PLXNA2: variants seen among roughly 807,000 people sequenced by gnomAD.
PLXNA2 encodes plexin-A2.
A neutral mutation model predicts 193.5 loss-of-function variants in PLXNA2; 91 were observed. That is an observed-to-expected ratio of 0.47 (90% CI 0.40 to 0.56). PLXNA2 has a LOEUF of 0.56. Ranked by LOEUF, PLXNA2 falls within the 20% of genes least tolerant of loss-of-function variation. The pLI is 0.00. For missense variants in PLXNA2, 1,995 were observed against 2,503.2 expected (o/e 0.80, Z 4.33); for synonymous variants, 997 against 1,027.3 (o/e 0.97, Z 0.56).
chr1:208,052,534 A>G, intron 14 of PLXNA2, 71 bp from the exon 15 acceptor site: 1 of 1,462,638 alleles, frequency 6.8e-7, no homozygotes. Context: ...GTTAGATCTA[A>G]GGATGGGAGA....
intron 4 of PLXNA2, among the ~76,000 whole-genome samples, chr1:208,115,705 T>C (rs1436173187): frequency 6.6e-6 from 1 of 152,148 alleles, no homozygotes; most frequent in Non-Finnish European, 1.5e-5. Flanking sequence ...ACAACCTTGA[T>C]CCCAAAGTAC....
chr1:208,048,550 C>T (rs1197490357), intron 17 of PLXNA2, among the ~76,000 whole-genome samples: 1 of 152,224 alleles, frequency 6.6e-6, no homozygotes, highest in East Asian at 1.9e-4. Flanking sequence ...GTCCTTGGAA[C>T]ATTGAGATCA....
At chr1:208,213,691 T>C (rs1671034767) in intron 2 of PLXNA2, among the ~76,000 whole-genome samples, 1 of 152,218 alleles carries the variant, frequency 6.6e-6, no homozygotes, top group Non-Finnish European at 1.5e-5. Context: ...CTTTCATTTA[T>C]CCTTATTCCC....
chr1:208,166,124 A>T (rs1669297898), intron 3 of PLXNA2, among the ~76,000 whole-genome samples: 1 of 152,210 alleles, frequency 6.6e-6, no homozygotes, highest in Non-Finnish European at 1.5e-5. Context: ...TTCTCACATT[A>T]AACACAACAC....
In PLXNA2 at chr1:208,103,059, C is replaced by CTCTT. The variant is rs386369479; in HGVS notation, c.1607+87_1607+88insAAGA. On this transcript the variant is annotated intron_variant, in intron 5 of 31. Coordinates refer to ENST00000367033, the MANE Select transcript of PLXNA2 (RefSeq NM_025179.4). ...CTGCTCTGAAGAGGACAATTCCTCT[C>CTCTT]TCTGCAAAGTACTGTCATATCCCAT... 4 of 923,438 alleles carry CTCTT rather than the reference C, an allele frequency of 4.3e-6. No homozygotes were observed. In the African/African-American group the frequency reaches 6.5e-5, roughly 15 times the overall value. The allele number at this position is 923,438 out of a possible 1,614,324, so 57.2% of individuals were successfully genotyped here.
chr1:208,185,753 T>C (rs958729842), intron 3 of PLXNA2, among the ~76,000 whole-genome samples: 12 of 149,670 alleles, frequency 8.0e-5, no homozygotes, highest in Non-Finnish European at 1.6e-4. Flanking sequence ...TTTTGAGCTA[T>C]TGTCTTAAGA....
intron 3 of PLXNA2, among the ~76,000 whole-genome samples, chr1:208,208,121 A>G (rs1670797736): frequency 6.6e-6 from 1 of 152,240 alleles, no homozygotes; most frequent in Admixed American, 6.5e-5. Flanking sequence ...GGGGAAAGTC[A>G]ACTCAAGGTC....
At chr1:208,218,947 G>A (rs1671233465) in intron 1 of PLXNA2, among the ~76,000 whole-genome samples, 1 of 152,346 alleles carries the variant, frequency 6.6e-6, no homozygotes, top group African/African-American at 2.4e-5. Context: ...TCAGCCACCT[G>A]GGGCAGGGGT....
At chr1:208,221,710 C>T (rs1240670285) in intron 1 of PLXNA2, among the ~76,000 whole-genome samples, 1 of 152,150 alleles carries the variant, frequency 6.6e-6, no homozygotes, top group Non-Finnish European at 1.5e-5. Context: ...GACTAAGTGG[C>T]TGTTCCAAGC....
chr1:208,159,193 C>T (rs1224043728), intron 3 of PLXNA2, among the ~76,000 whole-genome samples: 1 of 152,220 alleles, frequency 6.6e-6, no homozygotes, highest in Admixed American at 6.5e-5. Context: ...CAGAGCTGGG[C>T]ATTGATTCTC....
intron 4 of PLXNA2, among the ~76,000 whole-genome samples, chr1:208,127,413 C>G (rs918934506): frequency 6.6e-5 from 10 of 152,236 alleles, no homozygotes; most frequent in Non-Finnish European, 1.2e-4. Context: ...CCTGGCCTTC[C>G]AGGGACCAAT....
At chr1:208,203,253 C>A (rs1266063222) in intron 3 of PLXNA2, among the ~76,000 whole-genome samples, 2 of 152,170 alleles carry the variant, frequency 1.3e-5, no homozygotes, top group Non-Finnish European at 1.5e-5. Flanking sequence ...GGGCAGGGAG[C>A]CAAACTCATT....
chr1:208,107,848 C>A (rs931914272), intron 4 of PLXNA2, among the ~76,000 whole-genome samples: 1 of 152,070 alleles, frequency 6.6e-6, no homozygotes, highest in Non-Finnish European at 1.5e-5. Flanking sequence ...CCTTCTCCTG[C>A]CCCCTATGGC....
intron 3 of PLXNA2, among the ~76,000 whole-genome samples, chr1:208,183,650 C>T (rs1368889490): frequency 6.6e-6 from 1 of 152,008 alleles, no homozygotes; most frequent in Non-Finnish European, 1.5e-5. Context: ...GGGCCCCACT[C>T]CTGCTTATCT....
At chr1:208,042,477 G>T in intron 21 of PLXNA2, 111 bp from the exon 22 acceptor site, 1 of 1,186,396 alleles carries the variant, frequency 8.4e-7, no homozygotes, top group Non-Finnish European at 1.2e-6. Context: ...AGGACCCTAT[G>T]TTTGAGGCCT....
At chr1:208,034,251 AC>A (rs1664600190) in intron 27 of PLXNA2, among the ~76,000 whole-genome samples, 1 of 151,456 alleles carries the variant, frequency 6.6e-6, no homozygotes, top group South Asian at 2.1e-4. Flanking sequence ...GGCCACTCCG[AC>A]TCCTCTACCA....
chr1:208,182,739 G>A (rs947231510), intron 3 of PLXNA2, among the ~76,000 whole-genome samples: 5 of 152,032 alleles, frequency 3.3e-5, no homozygotes, highest in African/African-American at 9.7e-5. Flanking sequence ...CAGCCTTTCA[G>A]CTGGGCAGAG....
intron 4 of PLXNA2, among the ~76,000 whole-genome samples, chr1:208,116,202 C>T (rs990706587): frequency 6.6e-6 from 1 of 152,160 alleles, no homozygotes; most frequent in African/African-American, 2.4e-5. Context: ...CCTTGATCAA[C>T]CTTTGTTACT....
intron 3 of PLXNA2, among the ~76,000 whole-genome samples, chr1:208,148,860 G>A (rs988246974): frequency 2.0e-5 from 3 of 152,220 alleles, no homozygotes; most frequent in Admixed American, 6.5e-5. Flanking sequence ...CAAAATGCAG[G>A]AGTGGAAATG....
Sources: gnomAD v4.1 joint callset for allele counts (sites outside exome capture counted in the v4.1 genomes callset) on GRCh38, gnomAD v4.1.1 for gene constraint, MANE v1.5 for transcripts, NCBI Gene and HGNC (gene_info 2026-07-23, HGNC 2026-07-21) for gene names.